The following CTNNBIP1 variants were observed in gnomAD, a reference collection of about 807,000 sequenced individuals.
The protein encoded by CTNNBIP1 is beta-catenin-interacting protein 1.
CTNNBIP1 carries 7 observed loss-of-function variants against 11.8 expected under a neutral mutation model. The observed-to-expected ratio is 0.60, with a 90% CI of 0.34 to 1.12. CTNNBIP1 has a LOEUF of 1.12. Ranked by LOEUF, CTNNBIP1 falls within the 50% of genes most tolerant of loss-of-function variation. The pLI, the probability that CTNNBIP1 is intolerant of heterozygous loss-of-function variation, is 0.03. For synonymous variants in CTNNBIP1, 58 were observed against 43.9 expected, an observed-to-expected ratio of 1.32 and a Z score of -1.26; for missense variants, 101 against 113.4, an observed-to-expected ratio of 0.89 and a Z score of 0.50.
intron 5 of CTNNBIP1, among the ~76,000 whole-genome samples, chr1:9,863,899 G>A (rs1012458070): frequency 1.3e-5 from 2 of 152,194 alleles, no homozygotes; most frequent in African/African-American, 4.8e-5. Context: ...TGAGCAGAGA[G>A]CTGCCTCCCT....
rs969976790 is a variant in CTNNBIP1 at position 9,848,936 on chromosome 1, C to T, written c.*1782G>A. ...TCGGTCATTTGGCTCCTGTGCACTT[C>T]ATGACACTCAGGAGCCCCTACGGCC... On this transcript the variant is annotated 3_prime_UTR_variant, in exon 6 of 6. Coordinates refer to ENST00000377263, the MANE Select transcript of CTNNBIP1 (RefSeq NM_020248.3). This position sits in a 1 kb window ranked among gnomAD's most constrained non-coding sequence, Gnocchi z 4.3. 8 of 152,220 alleles carry T rather than the reference C, an allele frequency of 5.3e-5. No homozygotes were observed. The highest frequency in any genetic ancestry group is 1.9e-4 in the African/African-American group (8 of 41,448). 9.4% of individuals were successfully genotyped at this position (152,220 alleles called of 1,614,324 possible).
intron 5 of CTNNBIP1, among the ~76,000 whole-genome samples, chr1:9,869,259 CA>C (rs768022730): frequency 1.3e-5 from 2 of 152,230 alleles, no homozygotes; most frequent in Non-Finnish European, 2.9e-5. Flanking sequence ...CATGGCCTCT[CA>C]AAGTGCTGGG....
intron 1 of CTNNBIP1, among the ~76,000 whole-genome samples, chr1:9,902,873 C>G (rs974245663): frequency 2.0e-5 from 3 of 152,082 alleles, no homozygotes; most frequent in Non-Finnish European, 4.4e-5. Context: ...TCAAGCAATT[C>G]TCCTGCCTCA....
intron 5 of CTNNBIP1, among the ~76,000 whole-genome samples, chr1:9,868,520 T>C (rs1233324619): frequency 6.6e-6 from 1 of 152,246 alleles, no homozygotes; most frequent in African/African-American, 2.4e-5. Flanking sequence ...TTTTTTAACT[T>C]TCCCTTATGA....
At chr1:9,875,973 CTGTT>C (rs778683048) in intron 3 of CTNNBIP1, among the ~76,000 whole-genome samples, 7 of 152,240 alleles carry the variant, frequency 4.6e-5, no homozygotes, top group Non-Finnish European at 1.0e-4. Flanking sequence ...AAGTATGTCT[CTGTT>C]TGTTGCCTAT....
intron 1 of CTNNBIP1, among the ~76,000 whole-genome samples, chr1:9,899,741 G>C (rs1371124532): frequency 6.7e-6 from 1 of 148,658 alleles, no homozygotes; most frequent in Non-Finnish European, 1.5e-5. Context: ...CCTGGCGACA[G>C]AGCAAGGCTC....
In CTNNBIP1 at chr1:9,871,377, T is replaced by G. The variant is rs144389594; in HGVS notation, c.97-100A>C. 2 of 874,986 alleles carry G rather than the reference T, an allele frequency of 2.3e-6. No homozygotes were observed. The highest frequency in any genetic ancestry group is 4.4e-5 in the Admixed American group (2 of 45,738). The allele number at this position is 874,986 out of a possible 1,614,324, so 54.2% of individuals were successfully genotyped here. A position where few individuals can be genotyped will look rare whatever the true frequency, so the allele number is the denominator to read the frequency against. Reference sequence around the variant, plus strand: ...CCGCCTAGGCCTGCTTGGTCCCTGCTTGGTCCCTGCTCGGGCTTCTGTTTC... The same window carrying G: ...CCGCCTAGGCCTGCTTGGTCCCTGCGTGGTCCCTGCTCGGGCTTCTGTTTC... On this transcript the variant is annotated intron_variant, in intron 4 of 5. Coordinates refer to ENST00000377263, the MANE Select transcript of CTNNBIP1 (RefSeq NM_020248.3). The surrounding 1 kb of genome is among the most constrained non-coding windows in gnomAD (Gnocchi z 5.2).
At chr1:9,889,534 G>A (rs950265604) in intron 1 of CTNNBIP1, among the ~76,000 whole-genome samples, 1 of 152,066 alleles carries the variant, frequency 6.6e-6, no homozygotes, top group Non-Finnish European at 1.5e-5. Context: ...TTCCCTCCCT[G>A]ATTCCTGAGA....
intron 2 of CTNNBIP1, among the ~76,000 whole-genome samples, chr1:9,880,585 C>CA (rs1639060776): frequency 6.6e-6 from 1 of 152,220 alleles, no homozygotes; most frequent in Non-Finnish European, 1.5e-5. Flanking sequence ...AACTAATTCA[C>CA]ACTACTACCA....
In CTNNBIP1 at chr1:9,863,809, T is replaced by G. The variant is rs374227523; in HGVS notation, c.187+7378A>C. The stretch of plus-strand genomic sequence containing the variant: ...TGTTATGGGGGATTCCAGGAAGAAC[T>G]TTCCACACTGAGCTGTAACATGGAG... On this transcript the variant is annotated intron_variant, in intron 5 of 5. Coordinates refer to ENST00000377263, the MANE Select transcript of CTNNBIP1 (RefSeq NM_020248.3). 4.7e-4 allele frequency among the ~76,000 whole-genome samples: 71 copies of G among 152,300 alleles called. 2 individuals are homozygous for G. The South Asian group carries it at 0.011, about 24-fold the overall frequency.
chr1:9,853,772 GTCTCCTGT>G (rs1557742753), intron 5 of CTNNBIP1, among the ~76,000 whole-genome samples: 1 of 152,156 alleles, frequency 6.6e-6, no homozygotes, highest in African/African-American at 2.4e-5. Context: ...GTTGATCTGT[GTCTCCTGT>G]TCCACACTCA....
chr1:9,872,056 G>C lies in CTNNBIP1; in HGVS notation c.9C>G (p.Arg3=). The change falls in exon 4 of 6, where the codon CGC becomes CGG. Residue 3 remains arginine, a synonymous_variant. Transcript: ENST00000377263. The surrounding 1 kb of genome is among the most constrained non-coding windows in gnomAD (Gnocchi z 4.0). The part of the protein sequence containing the change: MN[R]EGAPGKSPEE... The stretch of plus-strand genomic sequence containing the variant: ...CCGGACTCTTCCCGGGAGCTCCCTC[G>C]CGGTTCATCCCCCTGCCTGGCTCTG... 1 of 1,613,952 alleles carries C rather than the reference G, an allele frequency of 6.2e-7. No homozygotes were observed. The highest frequency in any genetic ancestry group is 8.5e-7 in the Non-Finnish European group (1 of 1,179,826).
chr1:9,869,694 G>C (rs1638822271), intron 5 of CTNNBIP1, among the ~76,000 whole-genome samples: 1 of 152,268 alleles, frequency 6.6e-6, no homozygotes, highest in South Asian at 2.1e-4. Flanking sequence ...TTTCCCAAGA[G>C]TATTCAACTG....
chr1:9,908,370 C>CT (rs35640583), intron 1 of CTNNBIP1, among the ~76,000 whole-genome samples: 43 of 72,436 alleles, frequency 5.9e-4, no homozygotes, highest in African/African-American at 1.4e-3. Context: ...TCCACAGATT[C>CT]TTTTTTTTTT....
intron 5 of CTNNBIP1, among the ~76,000 whole-genome samples, chr1:9,856,639 GA>G (rs1195737229): frequency 6.6e-6 from 1 of 151,042 alleles, no homozygotes; most frequent in Non-Finnish European, 1.5e-5. Flanking sequence ...TCAGCCTCCA[GA>G]GTACCTGGGA....
chr1:9,898,117 C>CAA (rs779453301), intron 1 of CTNNBIP1, among the ~76,000 whole-genome samples: 2 of 101,786 alleles, frequency 2.0e-5, no homozygotes, highest in Non-Finnish European at 4.2e-5. Context: ...TCTGTCTCAG[C>CAA]AAAAAAAAAA....
intron 5 of CTNNBIP1, among the ~76,000 whole-genome samples, chr1:9,864,495 AT>A (rs1178444015): frequency 2.0e-5 from 3 of 152,208 alleles, no homozygotes; most frequent in East Asian, 1.9e-4. Context: ...CGCCCGGCTA[AT>A]TTTTTGTATT....
rs921382395 is a variant in CTNNBIP1, at chr1:9,867,554, C to A, written c.187+3633G>T. On this transcript the variant is annotated intron_variant, in intron 5 of 5. Coordinates refer to ENST00000377263, the MANE Select transcript of CTNNBIP1 (RefSeq NM_020248.3). This position sits in a 1 kb window ranked among gnomAD's most constrained non-coding sequence, Gnocchi z 4.6. ...GGTCGGGTGCTGTCCGTTGGAGGGT[C>A]TGCCTCAGACCCCCTGCTAGAGGAG... Among the ~76,000 whole-genome samples, 1 of 152,196 alleles carries A rather than the reference C, an allele frequency of 6.6e-6. No individual in the cohort carries two copies. The highest frequency in any genetic ancestry group is 2.4e-5 in the African/African-American group (1 of 41,456).
chr1:9,873,622 C>T (rs958938888), intron 3 of CTNNBIP1, among the ~76,000 whole-genome samples: 4 of 152,218 alleles, frequency 2.6e-5, no homozygotes, highest in Non-Finnish European at 5.9e-5. Context: ...GATGATGATG[C>T]GGTCTCCACC....
Sources: gnomAD v4.1 joint callset for allele counts (sites outside exome capture counted in the v4.1 genomes callset) on GRCh38, gnomAD v4.1.1 for gene constraint, Gnocchi (gnomAD v3.1) non-coding constraint, MANE v1.5 for transcripts, NCBI Gene and HGNC (gene_info 2026-07-23, HGNC 2026-07-21) for gene names.